FTSJ1: variants seen among roughly 807,000 people sequenced by gnomAD.
The protein encoded by FTSJ1 is tRNA (cytidine(32)/guanosine(34)-2'-O)-methyltransferase.
Under a neutral mutation model 28.5 loss-of-function variants are expected in FTSJ1, and 3 were observed. The observed-to-expected ratio is 0.11, with a 90% CI of 0.05 to 0.27. The LOEUF (loss-of-function observed/expected upper bound fraction) is 0.27, where lower values mean the gene tolerates loss of function less well. Among genes scored for constraint, FTSJ1 ranks in the 10% least tolerant of loss-of-function variants. The probability of loss-of-function intolerance (pLI) is 1.00; values close to 1 mark genes in which losing one functional copy is unlikely to be tolerated. For missense variants in FTSJ1, 162 were observed against 279.0 expected, an observed-to-expected ratio of 0.58 and a Z score of 2.99; for synonymous variants, 104 against 113.9, an observed-to-expected ratio of 0.91 and a Z score of 0.55.
At position 48,482,392 on chromosome X, in the gene FTSJ1, CT is replaced by C; in HGVS notation, c.656-10del. On this transcript the variant is annotated splice_polypyrimidine_tract_variant and intron_variant, in intron 9 of 12. Coordinates refer to ENST00000348411, the MANE Select transcript of FTSJ1 (RefSeq NM_012280.4). ...TGACCTTGTCCTCAGTTGTCTCCCC[CT>C]GTTCCTAAGACCCAGATTTCAACCA... The C allele has an allele frequency of 8.6e-7, 1 of 1,164,978 alleles. No individual in the cohort carries two copies. Among genetic ancestry groups the C allele is most frequent in the Non-Finnish European group, 1.2e-6 (1 of 854,544 alleles).
intron 5 of FTSJ1, among the ~76,000 whole-genome samples, chrX:48,480,468 T>G (rs1303854631): frequency 9.2e-6 from 1 of 108,858 alleles, no homozygotes; most frequent in Non-Finnish European, 1.9e-5. Flanking sequence ...AGGGGACAGA[T>G]CCTATAGGGC....
chrX:48,484,470 G>A (rs926993779), intron 12 of FTSJ1, among the ~76,000 whole-genome samples: 32 of 109,648 alleles, frequency 2.9e-4, no homozygotes, highest in African/African-American at 9.6e-4. Context: ...TCCAACCTCC[G>A]CCTCCCGGGT....
At chrX:48,481,780 G>A in intron 9 of FTSJ1, 65 bp downstream of exon 9, 1 of 710,386 alleles carries the variant, frequency 1.4e-6, no homozygotes, top group South Asian at 2.2e-5. Flanking sequence ...TAGGTCCCAT[G>A]AGGGCCCACA....
intron 5 of FTSJ1, 36 bp from the exon 6 acceptor site, chrX:48,481,115 G>A: frequency 8.5e-7 from 1 of 1,171,497 alleles, no homozygotes; most frequent in Non-Finnish European, 1.2e-6. Context: ...CACAGAGCCA[G>A]ATGGGACCCC....
chrX:48,477,850 A>C, intron 1 of FTSJ1, 111 bp from the exon 2 acceptor site: 1 of 527,253 alleles, frequency 1.9e-6, no homozygotes, highest in Non-Finnish European at 3.2e-6. Flanking sequence ...TTCAGGCCCT[A>C]TAAGGTCAGT....
intron 5 of FTSJ1, 124 bp downstream of exon 5, chrX:48,479,240 G>A (rs1374184370): frequency 5.9e-6 from 3 of 505,773 alleles, no homozygotes; most frequent in Non-Finnish European, 1.1e-5. Context: ...TCCGCACTCA[G>A]CTTTCTCCCA....
chrX:48,479,022 C>T lies in FTSJ1; in HGVS notation c.283-16C>T, dbSNP rs782011460. On this transcript the variant is annotated splice_polypyrimidine_tract_variant and intron_variant, in intron 4 of 12. Coordinates refer to ENST00000348411, the MANE Select transcript of FTSJ1 (RefSeq NM_012280.4). ...GTGGAGGGCCGTGGGGCCACTCATC[C>T]TCCCTCTCTCCATAGCTGTCCACTG... is the stretch of plus-strand genomic sequence containing the variant. 37 of 1,166,971 alleles carry T rather than the reference C, an allele frequency of 3.2e-5. No homozygotes were observed. The South Asian group carries it at 6.1e-4, about 19-fold the overall frequency.
chrX:48,478,397 G>A (rs2061546681), intron 2 of FTSJ1, 52 bp from the exon 3 acceptor site: 1 of 1,135,175 alleles, frequency 8.8e-7, no homozygotes, highest in African/African-American at 1.8e-5. Flanking sequence ...AGGGTCTCCA[G>A]GTTGGAGAAG....
At chrX:48,481,399 C>T (rs782593946) in intron 7 of FTSJ1, 27 bp from the exon 8 acceptor site, 76 of 1,201,103 alleles carry the variant, frequency 6.3e-5, no homozygotes, top group East Asian at 8.9e-5. Flanking sequence ...CACCCTCACC[C>T]GCTGTCTTTG....
intron 12 of FTSJ1, 141 bp from the exon 13 acceptor site, chrX:48,485,595 G>A (rs1214778501): frequency 1.8e-5 from 2 of 110,527 alleles, no homozygotes; most frequent in African/African-American, 6.6e-5. Context: ...GCTGAGGTGG[G>A]AGGATCACTT....
chrX:48,481,809 G>C, intron 9 of FTSJ1, 94 bp downstream of exon 9: 1 of 599,164 alleles, frequency 1.7e-6, no homozygotes, highest in Non-Finnish European at 2.9e-6. Context: ...CCCTGGGGGA[G>C]GCTCTGTCCC....
chrX:48,482,526 T>G lies in FTSJ1; in HGVS notation c.759+20T>G. 1 of 1,172,467 alleles carries G rather than the reference T, an allele frequency of 8.5e-7. No homozygotes were observed. The highest frequency in any genetic ancestry group is 1.2e-6 in the Non-Finnish European group (1 of 861,497). On this transcript the variant is annotated intron_variant, in intron 10 of 12. Coordinates refer to ENST00000348411, the MANE Select transcript of FTSJ1 (RefSeq NM_012280.4). ...CTGGACGTGAGTGCCCAACCAACAG[T>G]AGGTGGGTGGGAGGGAGGCTGTCCT...
At chrX:48,479,663 C>T (rs782148331) in intron 5 of FTSJ1, among the ~76,000 whole-genome samples, 3 of 112,096 alleles carry the variant, frequency 2.7e-5, no homozygotes, top group African/African-American at 9.7e-5. Context: ...TGAGACCAGC[C>T]TTGCAACATA....
In FTSJ1 at chrX:48,482,674, G is replaced by C. The variant is rs374584069; in HGVS notation, c.837G>C (p.Thr279=). 3.3e-6 allele frequency: 4 copies of C among 1,203,535 alleles called. No individual in the cohort carries two copies. Among genetic ancestry groups the C allele is most frequent in the Non-Finnish European group, 4.5e-6 (4 of 891,821 alleles). The change falls in exon 11 of 13, where the codon ACG becomes ACC. Residue 279 remains threonine, a synonymous_variant. Transcript: ENST00000348411. ...PISPPYQEAC[T]LKRKGQLAKE... ...CGCCACCATACCAGGAGGCCTGCACGTTGAAGAGGAAGGGGCAGCTGGCCA... is the reference window on the plus strand; with the variant it reads ...CGCCACCATACCAGGAGGCCTGCACCTTGAAGAGGAAGGGGCAGCTGGCCA...
chrX:48,477,194 G>T (rs2061538157), intron 1 of FTSJ1, among the ~76,000 whole-genome samples: 1 of 111,120 alleles, frequency 9.0e-6, no homozygotes, highest in Non-Finnish European at 1.9e-5. Flanking sequence ...ATCCAGTGAT[G>T]GATCCATGGA....
Position 48,478,642 on chromosome X carries a change from G to A in FTSJ1, c.217G>A (p.Ala73Thr). ...IGGQGSGHVV[A>T]VDLQAMAPLP... ...GGGCCAAGGGTCCGGCCACGTGGTG[G>A]CTGTGGACCTGCAGGCTATGGCTCC... Residue 73 changes from alanine (A) to threonine (T), a missense_variant, in exon 4 of 13, where the codon GCT becomes ACT. Physicochemically the swap from Ala to Thr is moderately conservative, Grantham distance 58. Transcript: ENST00000348411. 1.7e-6 allele frequency: 2 copies of A among 1,209,322 alleles called. No individual in the cohort carries two copies. The highest frequency in any genetic ancestry group is 2.2e-6 in the Non-Finnish European group (2 of 893,528).
At position 48,485,797 on chromosome X, in the gene FTSJ1, A is replaced by T. The variant is rs1271997509; in HGVS notation, c.*71A>T. ...CAGGAAAACCGGAACTTGTTGATGA[A>T]CTTGTTTTCAAAATATCATCTCATC... On this transcript the variant is annotated 3_prime_UTR_variant, in exon 13 of 13. Transcript: ENST00000348411. 1 of 112,765 alleles carries T rather than the reference A, an allele frequency of 8.9e-6. No homozygotes were observed. Among genetic ancestry groups the T allele is most frequent in the African/African-American group, 3.2e-5 (1 of 31,016 alleles). The allele number at this position is 112,765 out of a possible 1,213,427, so 9.3% of individuals were successfully genotyped here.
chrX:48,482,695 G>A lies in FTSJ1; in HGVS notation c.858G>A (p.Leu286=). 1 of 1,207,695 alleles carries A rather than the reference G, an allele frequency of 8.3e-7. No homozygotes were observed. The highest frequency in any genetic ancestry group is 1.1e-6 in the Non-Finnish European group (1 of 893,338). Residue 286 remains leucine, a synonymous_variant, in exon 11 of 13, where the codon CTG becomes CTA. Transcript: ENST00000348411. The part of the protein sequence containing the change: ...EACTLKRKGQ[L]AKEIRPQDCP... ...GCACGTTGAAGAGGAAGGGGCAGCT[G>A]GCCAAGGAGATCCGCCCCCAGGACT...
At chrX:48,484,033 G>T (rs1416994348) in intron 12 of FTSJ1, among the ~76,000 whole-genome samples, 1 of 110,956 alleles carries the variant, frequency 9.0e-6, no homozygotes, top group African/African-American at 3.3e-5. Flanking sequence ...CAATGGCATA[G>T]CAGGTTATTC....
Sources: allele counts gnomAD v4.1 joint callset (sites outside exome capture counted in the v4.1 genomes callset), GRCh38; gene constraint gnomAD v4.1.1; transcripts MANE v1.5; gene names NCBI Gene and HGNC (gene_info 2026-07-23, HGNC 2026-07-21).